LRRK2: variants seen among roughly 807,000 people sequenced by gnomAD.
LRRK2 encodes leucine rich repeat kinase 2.
LRRK2 carries 203 observed loss-of-function variants against 302.6 expected under a neutral mutation model. The ratio of observed to expected loss-of-function variants is 0.67; its 90% CI spans 0.60 to 0.75. LRRK2 has a LOEUF of 0.75. Among genes scored for constraint, LRRK2 ranks in the 30% least tolerant of loss-of-function variants. The probability of loss-of-function intolerance (pLI) is 0.00; values close to 1 mark genes in which losing one functional copy is unlikely to be tolerated. For synonymous variants in LRRK2, 1,066 were observed against 1,031.9 expected, an observed-to-expected ratio of 1.03 and a Z score of -0.63; for missense variants, 2,830 against 2,951.0, an observed-to-expected ratio of 0.96 and a Z score of 0.95.
intron 18 of LRRK2, among the ~76,000 whole-genome samples, chr12:40,280,859 G>T (rs1943662371): frequency 6.6e-6 from 1 of 151,550 alleles, no homozygotes; most frequent in Non-Finnish European, 1.5e-5. Context: ...GAGGTCAGGA[G>T]ATCGAGACCA....
intron 25 of LRRK2, among the ~76,000 whole-genome samples, chr12:40,299,706 A>G (rs975521060): frequency 2.0e-5 from 3 of 152,162 alleles, no homozygotes; most frequent in African/African-American, 7.2e-5. Flanking sequence ...CAGTATAAAG[A>G]ATGAACCCTG....
chr12:40,278,393 T>TTG lies in LRRK2; in HGVS notation c.2241+136_2241+137dup, dbSNP rs1477745632. ...AAATTTACCAGTTTATTGCAATTGTTTGTGTCTTGTAGTAGATTTATAGAA... is the reference window on the plus strand; with the variant it reads ...AAATTTACCAGTTTATTGCAATTGTTTGTGTGTCTTGTAGTAGATTTATAGAA... On this transcript the variant is annotated intron_variant, in intron 18 of 50. Transcript: ENST00000298910. 6.3e-6 allele frequency: 7 copies of TTG among 1,109,672 alleles called. No individual in the cohort carries two copies. The East Asian group carries it at 1.7e-4, about 27-fold the overall frequency. The allele number at this position is 1,109,672 out of a possible 1,614,324, so 68.7% of individuals were successfully genotyped here.
chr12:40,279,404 C>T (rs1317169960), intron 18 of LRRK2, among the ~76,000 whole-genome samples: 1 of 151,860 alleles, frequency 6.6e-6, no homozygotes, highest in Non-Finnish European at 1.5e-5. Context: ...CATAAACAAT[C>T]TAATTATTTA....
intron 6 of LRRK2, among the ~76,000 whole-genome samples, chr12:40,243,165 A>C (rs1272672332): frequency 6.6e-6 from 1 of 151,802 alleles, no homozygotes; most frequent in East Asian, 1.9e-4. Flanking sequence ...GGAAAAAAAA[A>C]AAAGAAATAG....
intron 49 of LRRK2, 71 bp from the exon 50 acceptor site, chr12:40,366,935 C>G: frequency 8.7e-7 from 1 of 1,152,852 alleles, no homozygotes; most frequent in Non-Finnish European, 1.3e-6. Context: ...CTATGAACAA[C>G]TTTACTTTTT....
At chr12:40,357,704 AT>A (rs932642140) in intron 46 of LRRK2, among the ~76,000 whole-genome samples, 8 of 151,438 alleles carry the variant, frequency 5.3e-5, no homozygotes, top group African/African-American at 1.5e-4. Context: ...AATGTTGAGC[AT>A]TTTTTTTCAT....
chr12:40,255,080 T>C (rs1198117361), intron 11 of LRRK2, among the ~76,000 whole-genome samples: 1 of 152,196 alleles, frequency 6.6e-6, no homozygotes, highest in Non-Finnish European at 1.5e-5. Context: ...ATTCAATTAA[T>C]TAACTAATAT....
rs17491786 is a variant in LRRK2, at chr12:40,365,902, A to G, written c.7390+852A>G. 897 of 152,090 alleles carry G rather than the reference A, an allele frequency of 5.9e-3. 12 individuals carry two copies. Among genetic ancestry groups the G allele is most frequent in the African/African-American group, 0.02 (839 of 41,534 alleles). The allele number at this position is 152,090 out of a possible 1,614,324, so 9.4% of individuals were successfully genotyped here. ...TAATGACTGTAAACTATTAAGATAC[A>G]TGTCCACACAAGCAGAGCAGTAGGT... On this transcript the variant is annotated intron_variant, in intron 49 of 50. Coordinates refer to ENST00000298910, the MANE Select transcript of LRRK2 (RefSeq NM_198578.4).
At chr12:40,286,180 G>T (rs577767338) in intron 19 of LRRK2, 9 of 152,004 alleles carry the variant, frequency 5.9e-5, no homozygotes, top group Non-Finnish European at 1.3e-4. Flanking sequence ...TAATTGGAGG[G>T]TATAACCATG....
At chr12:40,348,331 C>T (rs1038226441) in intron 42 of LRRK2, 78 bp from the exon 43 acceptor site, 6 of 980,216 alleles carry the variant, frequency 6.1e-6, no homozygotes, top group South Asian at 2.7e-5. Flanking sequence ...AATGTCTGGA[C>T]CTTTTATAAA....
rs1389656955 is a variant in LRRK2, at chr12:40,354,262, A to G, written c.6577-37A>G. ...ACAAGTTCTAGTTGCTTAAGCTTAAATCAAATCCTGCTAAGTATATTTTCT... is the reference window on the plus strand; with the variant it reads ...ACAAGTTCTAGTTGCTTAAGCTTAAGTCAAATCCTGCTAAGTATATTTTCT... On this transcript the variant is annotated intron_variant, in intron 44 of 50. Coordinates refer to ENST00000298910, the MANE Select transcript of LRRK2 (RefSeq NM_198578.4). The G allele has an allele frequency of 3.8e-6, 6 of 1,578,100 alleles. No individual in the cohort carries two copies. The African/African-American group carries it at 8.1e-5, about 21-fold the overall frequency.
intron 39 of LRRK2, among the ~76,000 whole-genome samples, chr12:40,330,869 T>C (rs1945693317): frequency 1.3e-5 from 2 of 152,208 alleles, no homozygotes; most frequent in East Asian, 1.9e-4. Flanking sequence ...TACAGGTTTC[T>C]AATATTTTTT....
intron 14 of LRRK2, among the ~76,000 whole-genome samples, chr12:40,269,715 C>A (rs767859842): frequency 9.2e-5 from 14 of 152,060 alleles, no homozygotes; most frequent in Non-Finnish European, 1.9e-4. Context: ...AGGTGAGATT[C>A]CTAATGTGCT....
chr12:40,302,008 C>A (rs1944647268), intron 25 of LRRK2, among the ~76,000 whole-genome samples: 1 of 152,060 alleles, frequency 6.6e-6, no homozygotes, highest in African/African-American at 2.4e-5. Flanking sequence ...GAAACCCCAT[C>A]TCTACTAAAA....
intron 41 of LRRK2, among the ~76,000 whole-genome samples, chr12:40,341,280 C>T (rs1480632834): frequency 6.6e-6 from 1 of 152,124 alleles, no homozygotes; most frequent in East Asian, 1.9e-4. Flanking sequence ...TTGCTGATTG[C>T]AACTCAATTA....
At chr12:40,273,137 T>A (rs1266375865) in intron 14 of LRRK2, among the ~76,000 whole-genome samples, 1 of 152,176 alleles carries the variant, frequency 6.6e-6, no homozygotes, top group East Asian at 1.9e-4. Context: ...GCCTTCCAAT[T>A]TCACTTTGCA....
At chr12:40,347,123 G>T (rs183220139) in intron 42 of LRRK2, among the ~76,000 whole-genome samples, 200 bp downstream of exon 42, 1 of 152,008 alleles carries the variant, frequency 6.6e-6, no homozygotes, top group Non-Finnish European at 1.5e-5. Context: ...TAAAAAATCC[G>T]CAATTAATAT....
intron 5 of LRRK2, among the ~76,000 whole-genome samples, chr12:40,239,591 A>G (rs1047523697): frequency 7.9e-5 from 12 of 152,192 alleles, no homozygotes; most frequent in Admixed American, 3.3e-4. Context: ...TTATGACTAT[A>G]AATGTAGAGT....
intron 41 of LRRK2, among the ~76,000 whole-genome samples, chr12:40,343,719 T>C (rs1946115488): frequency 6.6e-6 from 1 of 152,200 alleles, no homozygotes; most frequent in Admixed American, 6.5e-5. Flanking sequence ...ATGATAATTA[T>C]CCAAGGGGAA....
Sources: gnomAD v4.1 joint callset for allele counts (sites outside exome capture counted in the v4.1 genomes callset) on GRCh38, gnomAD v4.1.1 for gene constraint, MANE v1.5 for transcripts, NCBI Gene and HGNC (gene_info 2026-07-23, HGNC 2026-07-21) for gene names.